Variants in PCDH11Y observed in about 807,000 individuals in gnomAD.
The protein encoded by PCDH11Y is protocadherin-11 Y-linked.
For synonymous variants in PCDH11Y, 9 were observed against 83.6 expected (o/e 0.11, Z 4.87); for missense variants, 12 against 224.8 (o/e 0.05, Z 6.05).
At chrY:5,188,029 G>C in intron 2 of PCDH11Y, among the ~76,000 whole-genome samples, 9 of 33,588 alleles carry the variant, frequency 2.7e-4, no homozygotes, top group Admixed American at 1.1e-3. Flanking sequence ...GAGTTTCACA[G>C]ATCTCTAAGG....
At chrY:5,730,066 C>G in intron 4 of PCDH11Y, among the ~76,000 whole-genome samples, 3 of 32,465 alleles carry the variant, frequency 9.2e-5, no homozygotes, top group Admixed American at 5.6e-4. Context: ...ATGCCTCCAG[C>G]TTTGTTCTTT....
chrY:5,173,219 C>A (rs2571824), intron 2 of PCDH11Y, among the ~76,000 whole-genome samples: 4 of 32,487 alleles, frequency 1.2e-4, no homozygotes, highest in Non-Finnish European at 3.1e-4. Flanking sequence ...ATAATTTTAA[C>A]GATTTTATAT....
At chrY:5,486,753 T>TA in intron 2 of PCDH11Y, among the ~76,000 whole-genome samples, 2 of 8,923 alleles carry the variant, frequency 2.2e-4, no homozygotes, top group Non-Finnish European at 4.3e-4. Flanking sequence ...ATATATATAT[T>TA]TTTTTTTTTT....
chrY:5,499,770 G>T, intron 2 of PCDH11Y, among the ~76,000 whole-genome samples: 1 of 30,781 alleles, frequency 3.2e-5, no homozygotes, highest in Admixed American at 3.2e-4. Flanking sequence ...TTGATCTATT[G>T]TTACATAGCA....
At chrY:5,192,010 C>T in intron 2 of PCDH11Y, among the ~76,000 whole-genome samples, 3 of 32,256 alleles carry the variant, frequency 9.3e-5, no homozygotes, top group Non-Finnish European at 2.3e-4. Context: ...CGCGCATTAC[C>T]GCCTGAACTT....
At chrY:5,652,547 T>A in intron 4 of PCDH11Y, among the ~76,000 whole-genome samples, 1 of 32,892 alleles carries the variant, frequency 3.0e-5, no homozygotes. Flanking sequence ...AAAAATGTCC[T>A]ACTTAACATA....
At chrY:5,479,184 C>A in intron 2 of PCDH11Y, among the ~76,000 whole-genome samples, 1 of 33,223 alleles carries the variant, frequency 3.0e-5, no homozygotes, top group Non-Finnish European at 7.4e-5. Flanking sequence ...TTTTTCCTTT[C>A]AATATTTAGT....
chrY:5,486,399 A>G, intron 2 of PCDH11Y, among the ~76,000 whole-genome samples: 2 of 31,447 alleles, frequency 6.4e-5, no homozygotes, highest in East Asian at 1.7e-3. Flanking sequence ...TAAATTGTGT[A>G]TAAAATTTAT....
At chrY:5,486,732 T>C (rs1602932646) in intron 2 of PCDH11Y, among the ~76,000 whole-genome samples, 3 of 9,453 alleles carry the variant, frequency 3.2e-4, no homozygotes, top group Non-Finnish European at 5.4e-4. Flanking sequence ...TATATACACA[T>C]ATATATATAT....
chrY:5,506,387 T>A, intron 3 of PCDH11Y, among the ~76,000 whole-genome samples: 2 of 32,742 alleles, frequency 6.1e-5, no homozygotes, highest in East Asian at 1.6e-3. Flanking sequence ...TTCTAATATT[T>A]CTTTAAAATG....
At chrY:5,171,408 G>C in intron 2 of PCDH11Y, among the ~76,000 whole-genome samples, 1 of 32,741 alleles carries the variant, frequency 3.1e-5, no homozygotes, top group South Asian at 6.8e-4. Flanking sequence ...TCCTTAGATG[G>C]AAATGCCTTC....
intron 2 of PCDH11Y, among the ~76,000 whole-genome samples, chrY:5,500,569 A>T: frequency 3.0e-5 from 1 of 33,474 alleles, no homozygotes; most frequent in Non-Finnish European, 7.3e-5. Flanking sequence ...CTTCTAAAGG[A>T]TGATGTACTT....
intron 2 of PCDH11Y, among the ~76,000 whole-genome samples, chrY:5,317,834 G>T: frequency 3.0e-5 from 1 of 33,111 alleles, no homozygotes; most frequent in Non-Finnish European, 7.4e-5. Flanking sequence ...TGGTGAGAGG[G>T]TACGTTTTCA....
intron 2 of PCDH11Y, among the ~76,000 whole-genome samples, chrY:5,378,077 T>C: frequency 3.0e-5 from 1 of 33,376 alleles, no homozygotes; most frequent in Non-Finnish European, 7.4e-5. Flanking sequence ...TAGTTAAATT[T>C]TTTTTGAAAA....
intron 2 of PCDH11Y, among the ~76,000 whole-genome samples, chrY:5,215,013 G>T: frequency 6.3e-5 from 2 of 31,828 alleles, no homozygotes; most frequent in Non-Finnish European, 1.5e-4. Flanking sequence ...TGTCATTCTG[G>T]TGTTGGTGTC....
At chrY:5,706,036 CTT>C (rs748004340) in intron 4 of PCDH11Y, among the ~76,000 whole-genome samples, 4 of 18,897 alleles carry the variant, frequency 2.1e-4, no homozygotes, top group African/African-American at 8.0e-4. Context: ...ACACAGAAGC[CTT>C]TTTTTTTTTT....
intron 2 of PCDH11Y, among the ~76,000 whole-genome samples, chrY:5,295,065 A>G (rs2053072110): frequency 3.0e-5 from 1 of 32,906 alleles, no homozygotes; most frequent in Non-Finnish European, 7.5e-5. Flanking sequence ...ATGTCATTCC[A>G]CTCTCTCTTG....
intron 1 of PCDH11Y, among the ~76,000 whole-genome samples, chrY:5,092,664 G>A: frequency 9.4e-5 from 3 of 31,915 alleles, no homozygotes; most frequent in Non-Finnish European, 1.5e-4. Context: ...CCATTTTATT[G>A]TAGTGTTATC....
At chrY:5,724,680 A>G in intron 4 of PCDH11Y, among the ~76,000 whole-genome samples, 2 of 33,794 alleles carry the variant, frequency 5.9e-5, no homozygotes, top group African/African-American at 2.3e-4. Flanking sequence ...GCTTCAAGGT[A>G]TAAGAGCAAT....
Sources: gnomAD v4.1 joint callset for allele counts (sites outside exome capture counted in the v4.1 genomes callset) on GRCh38, gnomAD v4.1.1 for gene constraint, MANE v1.5 for transcripts, NCBI Gene and HGNC (gene_info 2026-07-23, HGNC 2026-07-21) for gene names.